Variants in PLXNA2 observed in about 807,000 individuals in gnomAD.
PLXNA2 encodes plexin A2.
In PLXNA2, 91 loss-of-function variants were observed where a neutral mutation model predicts 193.5. The ratio of observed to expected loss-of-function variants is 0.47; its 90% confidence interval spans 0.40 to 0.56. The LOEUF (loss-of-function observed/expected upper bound fraction) is 0.56. Among genes scored for constraint, PLXNA2 ranks in the 20% least tolerant of loss-of-function variants. PLXNA2 has a pLI of 0.00. For missense variants in PLXNA2, 1,995 were observed against 2,503.2 expected (o/e 0.80, Z 4.33); for synonymous variants, 997 against 1,027.3 (o/e 0.97, Z 0.56).
chr1:208,038,333 C>G lies in PLXNA2; in HGVS notation c.4764+38G>C, dbSNP rs1444591290. 8 of 1,402,024 alleles carry G rather than the reference C, an allele frequency of 5.7e-6. No individual in the cohort carries two copies. The highest frequency in any genetic ancestry group is 8.1e-6 in the Non-Finnish European group (8 of 986,210). The allele number at this position is 1,402,024 out of a possible 1,614,324, so 86.8% of individuals were successfully genotyped here. Reference sequence around the variant, plus strand: ...CAAGGCTTAGCGGGAAGGGAACATTCTGGGAAGCTGAAGAGGGGAAAAGAC... The same window carrying G: ...CAAGGCTTAGCGGGAAGGGAACATTGTGGGAAGCTGAAGAGGGGAAAAGAC... On this transcript the variant is annotated intron_variant, in intron 26 of 31. Coordinates refer to ENST00000367033, the MANE Select transcript of PLXNA2 (RefSeq NM_025179.4). The surrounding 1 kb of genome is among the most constrained non-coding windows in gnomAD (Gnocchi z 4.1).
In PLXNA2 at chr1:208,096,790, T is replaced by C. The variant is rs980305088; in HGVS notation, c.1825A>G (p.Ser609Gly). 6.2e-7 allele frequency: 1 copy of C among 1,613,904 alleles called. No homozygotes were observed. The highest frequency in any genetic ancestry group is 1.3e-5 in the African/African-American group (1 of 74,884). The change falls in exon 7 of 32, where the codon AGC (serine) becomes GGC (glycine). Residue 609 changes from serine to glycine, a missense_variant. Physicochemically the swap from Ser to Gly is moderately conservative, Grantham distance 56. Transcript: ENST00000367033. ...CCAGGTGAGATGCAGATGACCTGGC[T>C]CCCGGACACCTGCCCCTCCACCTCT... The part of the protein sequence containing the change: ...LTEVEGQVSG[S>G]QVICISPGPK...
At chr1:208,186,346 T>C (rs746476277) in intron 3 of PLXNA2, among the ~76,000 whole-genome samples, 4 of 151,792 alleles carry the variant, frequency 2.6e-5, no homozygotes, top group Non-Finnish European at 4.4e-5. Context: ...GGTTCATAAA[T>C]AGAGAATAGA....
intron 1 of PLXNA2, among the ~76,000 whole-genome samples, chr1:208,241,780 T>C (rs996578090): frequency 2.0e-5 from 3 of 151,952 alleles, no homozygotes; most frequent in Admixed American, 1.3e-4. Context: ...GGCTGCGGAG[T>C]GGAGGGAAAT....
chr1:208,115,054 G>C (rs1345133942), intron 4 of PLXNA2, among the ~76,000 whole-genome samples: 1 of 152,190 alleles, frequency 6.6e-6, no homozygotes, highest in South Asian at 2.1e-4. Flanking sequence ...AGGCAGGAAA[G>C]CTCCTAGGCT....
chr1:208,210,571 G>A lies in PLXNA2; in HGVS notation c.1189-109C>T, dbSNP rs1670908740. On this transcript the variant is annotated intron_variant, in intron 2 of 31. Coordinates refer to ENST00000367033, the MANE Select transcript of PLXNA2 (RefSeq NM_025179.4). Reference sequence around the variant, plus strand: ...CCTTAGGACACCAGGCCTCAGAGAGGCAGACATGGGAGTTCAGGGGCCCTA... The same window carrying A: ...CCTTAGGACACCAGGCCTCAGAGAGACAGACATGGGAGTTCAGGGGCCCTA... 5.4e-6 allele frequency: 5 copies of A among 922,364 alleles called. No individual in the cohort carries two copies. The Admixed American group carries it at 8.6e-5, about 16-fold the overall frequency. The allele number at this position is 922,364 out of a possible 1,614,324, so 57.1% of individuals were successfully genotyped here.
chr1:208,054,008 A>G (rs1665346620), intron 14 of PLXNA2, among the ~76,000 whole-genome samples: 1 of 152,210 alleles, frequency 6.6e-6, no homozygotes, highest in African/African-American at 2.4e-5. Flanking sequence ...AAAACAAAGC[A>G]TGCGGATAAA....
At chr1:208,032,295 A>C (rs2102301677) in intron 28 of PLXNA2, 1 of 219,036 alleles carries the variant, frequency 4.6e-6, no homozygotes, top group South Asian at 1.7e-4. Context: ...CAGAGTGCTG[A>C]TCCACAGGGC....
At chr1:208,193,418 T>C (rs1670248978) in intron 3 of PLXNA2, among the ~76,000 whole-genome samples, 12 of 152,236 alleles carry the variant, frequency 7.9e-5, no homozygotes, top group Admixed American at 7.9e-4. Flanking sequence ...ATCCATGTTC[T>C]AATCTCAGTG....
At chr1:208,170,000 G>C (rs1486267121) in intron 3 of PLXNA2, among the ~76,000 whole-genome samples, 1 of 152,132 alleles carries the variant, frequency 6.6e-6, no homozygotes, top group Non-Finnish European at 1.5e-5. Context: ...TCCCAGCTAG[G>C]CGTGGGGTGC....
intron 29 of PLXNA2, chr1:208,029,471 C>T: frequency 9.9e-7 from 1 of 1,013,678 alleles, no homozygotes; most frequent in Middle Eastern, 5.0e-4. Flanking sequence ...GCCCCAGGCT[C>T]AGCCTCGGAG....
chr1:208,157,893 T>C (rs1668988209), intron 3 of PLXNA2, among the ~76,000 whole-genome samples: 3 of 152,246 alleles, frequency 2.0e-5, no homozygotes, highest in Admixed American at 1.3e-4. Flanking sequence ...CAAGACTGTT[T>C]GGCAGAAAGC....
At chr1:208,076,129 A>G (rs941145141) in intron 12 of PLXNA2, among the ~76,000 whole-genome samples, 16 of 151,016 alleles carry the variant, frequency 1.1e-4, no homozygotes, top group Non-Finnish European at 2.1e-4. Flanking sequence ...GTGCAATGGC[A>G]TGATCATAGT....
chr1:208,037,980 T>C (rs1457425172), intron 26 of PLXNA2, among the ~76,000 whole-genome samples: 8 of 152,230 alleles, frequency 5.3e-5, no homozygotes, highest in Non-Finnish European at 1.5e-5. Context: ...TGGGCTGTGT[T>C]AGTAAGATGC....
intron 2 of PLXNA2, 114 bp from the exon 3 acceptor site, chr1:208,210,576 CA>C: frequency 1.1e-6 from 1 of 869,634 alleles, no homozygotes; most frequent in Non-Finnish European, 1.7e-6. Flanking sequence ...GAGAGGCAGA[CA>C]TGGGAGTTCA....
intron 3 of PLXNA2, among the ~76,000 whole-genome samples, chr1:208,152,834 C>T (rs561935985): frequency 6.9e-4 from 88 of 127,264 alleles, no homozygotes; most frequent in Non-Finnish European, 1.3e-3. Flanking sequence ...CCAGCTTTTT[C>T]GTCTTCACGC....
In PLXNA2 at chr1:208,039,775, C is replaced by T. The variant is rs755948149; in HGVS notation, c.4354-8G>A. The stretch of plus-strand genomic sequence containing the variant: ...TGGCTCCCCTGCGCACTCCTGTGGG[C>T]ACAGACAGGGCAGGAGGTGTGGGCA... On this transcript the variant is annotated splice_region_variant and splice_polypyrimidine_tract_variant and intron_variant, in intron 23 of 31. Transcript: ENST00000367033. 1.9e-6 allele frequency: 3 copies of T among 1,613,922 alleles called. No homozygotes were observed. The highest frequency in any genetic ancestry group is 1.3e-5 in the African/African-American group (1 of 74,902).
chr1:208,031,338 C>T (rs1664497208), intron 29 of PLXNA2: 9 of 1,340,124 alleles, frequency 6.7e-6, no homozygotes, highest in Non-Finnish European at 3.8e-6. Flanking sequence ...CTGGTCACAA[C>T]CTGGAGGGGC....
chr1:208,139,207 G>T (rs933418203), intron 4 of PLXNA2, among the ~76,000 whole-genome samples: 1 of 152,206 alleles, frequency 6.6e-6, no homozygotes, highest in African/African-American at 2.4e-5. Context: ...ATCTGAAAGA[G>T]ACTTTAGAGT....
intron 4 of PLXNA2, among the ~76,000 whole-genome samples, chr1:208,138,783 T>C (rs1234648748): frequency 6.6e-6 from 1 of 152,194 alleles, no homozygotes; most frequent in African/African-American, 2.4e-5. Flanking sequence ...TCCCAGCACT[T>C]TGGGAGGCCA....
Sources: gnomAD v4.1 joint callset for allele counts (sites outside exome capture counted in the v4.1 genomes callset) on GRCh38, gnomAD v4.1.1 for gene constraint, Gnocchi (gnomAD v3.1) non-coding constraint, MANE v1.5 for transcripts, NCBI Gene and HGNC (gene_info 2026-07-23, HGNC 2026-07-21) for gene names.